The following CIITA variants were observed in gnomAD, a reference collection of about 807,000 sequenced individuals.
CIITA encodes the protein class II major histocompatibility complex transactivator.
Under a neutral mutation model 115.1 loss-of-function variants are expected in CIITA, and 72 were observed. The observed-to-expected ratio is 0.63, with a 90% CI of 0.52 to 0.76. CIITA has a LOEUF of 0.76. Ranked by LOEUF, CIITA falls within the 30% of genes least tolerant of loss-of-function variation. The pLI is 0.00. For synonymous variants in CIITA, 763 were observed against 635.6 expected (o/e 1.20, Z -3.02); for missense variants, 1,617 against 1,463.8 (o/e 1.10, Z -1.71).
chr16:10,873,801 C>T (rs1373254321), upstream of CIITA, among the ~76,000 whole-genome samples: 1 of 152,086 alleles, frequency 6.6e-6, no homozygotes, highest in Non-Finnish European at 1.5e-5. Context: ...TAGTTTCTGA[C>T]TCGAGACAAA....
chr16:10,869,468 T>G (rs1295382719), intron 1 of CIITA, among the ~76,000 whole-genome samples: 5 of 151,934 alleles, frequency 3.3e-5, no homozygotes, highest in Admixed American at 6.6e-5. Flanking sequence ...CATTTAGAAT[T>G]GCAACTCCTC....
Position 10,936,246 on chromosome 16 carries a change from T to C in CIITA, c.*12391T>C, listed in dbSNP as rs1324039034. On this transcript the variant is annotated 3_prime_UTR_variant, in exon 20 of 20. Coordinates refer to ENST00000324288, the MANE Select transcript of CIITA (RefSeq NM_000246.4). ...CAAGTGATCCTTCCACCTCAGCCTCTATAAAATTTGAATAAAGTTGTAGAT... is the reference window on the plus strand; with the variant it reads ...CAAGTGATCCTTCCACCTCAGCCTCCATAAAATTTGAATAAAGTTGTAGAT... The C allele has an allele frequency of 6.6e-6, 1 of 152,160 alleles. No homozygotes were observed. The highest frequency in any genetic ancestry group is 6.5e-5 in the Admixed American group (1 of 15,270). The allele number at this position is 152,160 out of a possible 1,614,324, so 9.4% of individuals were successfully genotyped here.
Position 10,921,741 on chromosome 16 carries a change from CTGTT to C in CIITA, c.3150-423_3150-420del, listed in dbSNP as rs556629525. ...TAGTCCTGCTGTTTTCCTGGGCTCA[CTGTT>C]TGACCACAGAGAAGTGGTCTCAACT... On this transcript the variant is annotated intron_variant, in intron 16 of 19. Transcript: ENST00000324288. Among the ~76,000 whole-genome samples the C allele has an allele frequency of 3.3e-5, 5 of 152,322 alleles. No homozygotes were observed. The South Asian group carries it at 1.0e-3, about 32-fold the overall frequency.
At chr16:10,872,322 C>A (rs892461296), upstream of CIITA, among the ~76,000 whole-genome samples, 1 of 152,116 alleles carries the variant, frequency 6.6e-6, no homozygotes, top group Non-Finnish European at 1.5e-5. Flanking sequence ...AGGGTTTCAT[C>A]ATGTTGGCCA....
intron 3 of CIITA, among the ~76,000 whole-genome samples, chr16:10,897,042 T>C (rs1469004443): frequency 6.6e-6 from 1 of 152,166 alleles, no homozygotes; most frequent in Non-Finnish European, 1.5e-5. Context: ...TGGGTGTTTT[T>C]CTCCCCCCTT....
At chr16:10,916,608 C>T in intron 15 of CIITA, 149 bp downstream of exon 15, 1 of 724,708 alleles carries the variant, frequency 1.4e-6, no homozygotes, top group Non-Finnish European at 2.4e-6. Context: ...CCTCTGCAGC[C>T]TTGAACTCCT....
chr16:10,878,656 G>T (rs1366604535), intron 1 of CIITA, among the ~76,000 whole-genome samples: 1 of 152,208 alleles, frequency 6.6e-6, no homozygotes, highest in African/African-American at 2.4e-5. Context: ...ACCCAGGGGT[G>T]GGGACAAGCT....
In CIITA at chr16:10,925,880, C is replaced by T. The variant is rs1484204390; in HGVS notation, c.*2025C>T. On this transcript the variant is annotated 3_prime_UTR_variant, in exon 20 of 20. Coordinates refer to ENST00000324288, the MANE Select transcript of CIITA (RefSeq NM_000246.4). ...CCAAGGGGAATGTTTGCCTCTGCCT[C>T]TGACACACAGCTCTGTCCTGGGAGT... 4 of 152,260 alleles carry T rather than the reference C, an allele frequency of 2.6e-5. No homozygotes were observed. Among genetic ancestry groups the T allele is most frequent in the Admixed American group, 6.5e-5 (1 of 15,288 alleles). 9.4% of individuals were successfully genotyped at this position (152,260 alleles called of 1,614,324 possible). A position where few individuals can be genotyped will look rare whatever the true frequency, so the allele number is the denominator to read the frequency against.
At position 10,941,708 on chromosome 16, in the gene CIITA, A is replaced by C; in HGVS notation, n.834A>C. 1 of 1,598,152 alleles carries C rather than the reference A, an allele frequency of 6.3e-7. No individual in the cohort carries two copies. The highest frequency in any genetic ancestry group is 1.1e-5 in the South Asian group (1 of 88,808). On this transcript the variant is annotated non_coding_transcript_exon_variant, in exon 2 of 2. Transcript: ENST00000573379. This position sits in a 1 kb window ranked among gnomAD's most constrained non-coding sequence, Gnocchi z 6.4. ...ATCGTGTAGGGAAGAGGGGAACAGC[A>C]GTCGAGACCCTACTCCAAGTACGCA... is the stretch of plus-strand genomic sequence containing the variant.
Position 10,923,785 on chromosome 16 carries a change from TC to T in CIITA, c.*23-87del. 1 of 178,584 alleles carries T rather than the reference TC, an allele frequency of 5.6e-6. No homozygotes were observed. Among genetic ancestry groups the T allele is most frequent in the Non-Finnish European group, 1.2e-5 (1 of 83,988 alleles). 11.1% of individuals were successfully genotyped at this position (178,584 alleles called of 1,614,324 possible). On this transcript the variant is annotated intron_variant, in intron 19 of 19. Coordinates refer to ENST00000324288, the MANE Select transcript of CIITA (RefSeq NM_000246.4). The surrounding 1 kb of genome is among the most constrained non-coding windows in gnomAD (Gnocchi z 5.2). ...CACCTCCATTCCACTGCCCCTCCCA[TC>T]CCCCCATCTTGATAGCACCCTTCCC...
rs1417883237 is a variant in CIITA at position 10,930,830 on chromosome 16, T to C, written c.*6975T>C. 1 of 152,240 alleles carries C rather than the reference T, an allele frequency of 6.6e-6. No homozygotes were observed. The highest frequency in any genetic ancestry group is 2.4e-5 in the African/African-American group (1 of 41,446). 9.4% of individuals were successfully genotyped at this position (152,240 alleles called of 1,614,324 possible). ...TTCTCTGCCTCCAGAGCCTGCTTGGTCCTCAGGCTGTAAGTGCAGGCAGAG... is the reference window on the plus strand; with the variant it reads ...TTCTCTGCCTCCAGAGCCTGCTTGGCCCTCAGGCTGTAAGTGCAGGCAGAG... On this transcript the variant is annotated 3_prime_UTR_variant, in exon 20 of 20. Coordinates refer to ENST00000324288, the MANE Select transcript of CIITA (RefSeq NM_000246.4).
chr16:10,907,024 T>G lies in CIITA; in HGVS notation c.1532T>G (p.Leu511Arg), dbSNP rs147316330. ...GAGCTGGAAGCGCAAGATGGCTTCCTGCACAGCACGTGCGGACCGGCACCG... is the reference window on the plus strand; with the variant it reads ...GAGCTGGAAGCGCAAGATGGCTTCCGGCACAGCACGTGCGGACCGGCACCG... Reference protein sequence around the residue: ...FEELEAQDGFLHSTCGPAPAE... With the variant: ...FEELEAQDGFRHSTCGPAPAE... The change falls in exon 11 of 20, where the codon CTG becomes CGG. Residue 511 changes from leucine (L) to arginine (R), a missense_variant. Leu to Arg is a moderately radical substitution (Grantham distance 102). Transcript: ENST00000324288. The surrounding 1 kb of genome is among the most constrained non-coding windows in gnomAD (Gnocchi z 5.0). 2 of 1,608,618 alleles carry G rather than the reference T, an allele frequency of 1.2e-6. No homozygotes were observed. The highest frequency in any genetic ancestry group is 2.7e-5 in the African/African-American group (2 of 74,874).
At position 10,902,711 on chromosome 16, in the gene CIITA, C is replaced by G; in HGVS notation, c.682C>G (p.Gln228Glu). 1 of 1,614,254 alleles carries G rather than the reference C, an allele frequency of 6.2e-7. No homozygotes were observed. The highest frequency in any genetic ancestry group is 8.5e-7 in the Non-Finnish European group (1 of 1,180,032). ...SCLNLPEGPI[Q>E]FVPTISTLPH... ...CCTGAATCTCCCTGAGGGACCCATC[C>G]AGTTTGTCCCCACCATCTCCACTCT... The change falls in exon 8 of 20, where the codon CAG becomes GAG. Residue 228 changes from glutamine (Q) to glutamate (E), a missense_variant. Transcript: ENST00000324288.
At position 10,910,270 on chromosome 16, in the gene CIITA, G is replaced by T. The variant is rs2039469447; in HGVS notation, c.2888+11G>T. 6.2e-7 allele frequency: 1 copy of T among 1,612,434 alleles called. No individual in the cohort carries two copies. The highest frequency in any genetic ancestry group is 1.3e-5 in the African/African-American group (1 of 74,898). On this transcript the variant is annotated intron_variant, in intron 13 of 19. Transcript: ENST00000324288. ...GAAACTGGAGTTTGCGTAAGCAAAG[G>T]GGTGGATTGTCTTGTGGGTCTGCGC...
At chr16:10,893,834 A>G (rs1229772933) in intron 1 of CIITA, among the ~76,000 whole-genome samples, 1 of 133,048 alleles carries the variant, frequency 7.5e-6, no homozygotes, top group African/African-American at 2.8e-5. Flanking sequence ...AAAAAAAAAA[A>G]GTAGAGTTCA....
At position 10,907,362 on chromosome 16, in the gene CIITA, C is replaced by G; in HGVS notation, c.1870C>G (p.Leu624Val). 6.2e-7 allele frequency: 1 copy of G among 1,613,500 alleles called. No individual in the cohort carries two copies. The highest frequency in any genetic ancestry group is 1.1e-5 in the South Asian group (1 of 91,078). The change falls in exon 11 of 20, where the codon CTG becomes GTG. Residue 624 changes from leucine to valine, a missense_variant. Physicochemically the swap from Leu to Val is conservative, Grantham distance 32. Transcript: ENST00000324288. This position sits in a 1 kb window ranked among gnomAD's most constrained non-coding sequence, Gnocchi z 5.0. ...GGCAGTGTGCCAGCTCTCAGAGGCC[C>G]TGCTGGAGCTTGGGGAGGACGCCAA... is the stretch of plus-strand genomic sequence containing the variant. ...CRAVCQLSEA[L>V]LELGEDAKLP...
intron 5 of CIITA, 131 bp downstream of exon 5, chr16:10,899,133 C>A (rs542868244): frequency 1.3e-6 from 1 of 797,456 alleles, no homozygotes; most frequent in Non-Finnish European, 2.2e-6. Flanking sequence ...CTTTAAAAGC[C>A]AACAGGAGCC....
chr16:10,896,733 C>T (rs906894581), intron 3 of CIITA, among the ~76,000 whole-genome samples: 2 of 152,236 alleles, frequency 1.3e-5, no homozygotes, highest in Admixed American at 6.5e-5. Context: ...ACCTGCAAAA[C>T]TCTTCTTAGT....
At chr16:10,875,566 C>A (rs546396092), upstream of CIITA, among the ~76,000 whole-genome samples, 138 of 152,260 alleles carry the variant, frequency 9.1e-4, no homozygotes, top group African/African-American at 3.2e-3. Context: ...GTTTCCAAAC[C>A]TTCATTTCAG....
Sources: gnomAD v4.1 joint callset for allele counts (sites outside exome capture counted in the v4.1 genomes callset) on GRCh38, gnomAD v4.1.1 for gene constraint, Gnocchi (gnomAD v3.1) non-coding constraint, MANE v1.5 for transcripts, NCBI Gene and HGNC (gene_info 2026-07-23, HGNC 2026-07-21) for gene names.